Variants in FBXL17 observed in about 807,000 individuals in gnomAD.
FBXL17 encodes F-box and leucine rich repeat protein 17.
In FBXL17, 22 loss-of-function variants were observed where a neutral mutation model predicts 66.2. The observed-to-expected ratio is 0.33, with a 90% CI of 0.24 to 0.47. The LOEUF is 0.47. Ranked by LOEUF, FBXL17 falls within the 20% of genes least tolerant of loss-of-function variation. The probability of loss-of-function intolerance (pLI) is 1.00; values close to 1 mark genes in which losing one functional copy is unlikely to be tolerated. For synonymous variants in FBXL17, 474 were observed against 400.5 expected (o/e 1.18, Z -2.19); for missense variants, 878 against 948.2 (o/e 0.93, Z 0.97).
At chr5:108,161,516 TCAACCA>T (rs1752219244) in intron 6 of FBXL17, among the ~76,000 whole-genome samples, 1 of 151,316 alleles carries the variant, frequency 6.6e-6, no homozygotes, top group African/African-American at 2.4e-5. Flanking sequence ...CCACACAAAC[TCAACCA>T]GTAAGTTGAT....
At chr5:108,149,707 A>T (rs2149994756) in intron 6 of FBXL17, among the ~76,000 whole-genome samples, 1 of 152,308 alleles carries the variant, frequency 6.6e-6, no homozygotes, top group South Asian at 2.1e-4. Context: ...TTATTAAGTT[A>T]ATTATCCATT....
intron 6 of FBXL17, among the ~76,000 whole-genome samples, chr5:108,162,630 GAAT>G (rs1301821648): frequency 6.6e-6 from 1 of 152,190 alleles, no homozygotes; most frequent in Non-Finnish European, 1.5e-5. Flanking sequence ...AGTGATATGT[GAAT>G]AATGTTTCTC....
chr5:108,364,397 A>G (rs1748531573), intron 3 of FBXL17, among the ~76,000 whole-genome samples: 1 of 151,994 alleles, frequency 6.6e-6, no homozygotes, highest in South Asian at 2.1e-4. Flanking sequence ...AGTATAATAA[A>G]AGGGGAATTA....
chr5:108,331,716 G>A (rs1760131939), intron 4 of FBXL17, among the ~76,000 whole-genome samples: 4 of 152,006 alleles, frequency 2.6e-5, no homozygotes, highest in Admixed American at 2.6e-4. Flanking sequence ...TTCCAAACTG[G>A]GAAATGGCTA....
chr5:108,094,732 T>A (rs1749307882), intron 6 of FBXL17, among the ~76,000 whole-genome samples: 1 of 152,124 alleles, frequency 6.6e-6, no homozygotes, highest in African/African-American at 2.4e-5. Context: ...TCTAAAAATG[T>A]TATTGTCTAA....
At chr5:107,891,649 GA>G (rs891206118) in intron 7 of FBXL17, among the ~76,000 whole-genome samples, 2 of 151,284 alleles carry the variant, frequency 1.3e-5, no homozygotes, top group African/African-American at 4.9e-5. Context: ...GATGTAAAAA[GA>G]AAAAAAAATT....
chr5:108,162,028 G>A (rs561876755), intron 6 of FBXL17, among the ~76,000 whole-genome samples: 15 of 152,316 alleles, frequency 9.8e-5, no homozygotes, highest in Non-Finnish European at 2.1e-4. Flanking sequence ...TTATGAAAAC[G>A]TAAAGTGGCA....
intron 4 of FBXL17, among the ~76,000 whole-genome samples, chr5:108,295,115 C>T (rs1408691319): frequency 6.6e-6 from 1 of 151,860 alleles, no homozygotes; most frequent in Non-Finnish European, 1.5e-5. Flanking sequence ...ACTTTTTTAA[C>T]TCTGAAGGAT....
rs187111786 is a variant in FBXL17, at chr5:108,254,732, C to T, written c.1507-30504G>A. ...TCACACAAATATATATTTTCCCCCA[C>T]AAAGGTGAGCTAAATAATCATGGTA... On this transcript the variant is annotated intron_variant, in intron 4 of 8. Coordinates refer to ENST00000542267, the MANE Select transcript of FBXL17 (RefSeq NM_001163315.3). Among the ~76,000 whole-genome samples, 444 of 152,274 alleles carry T rather than the reference C, an allele frequency of 2.9e-3. 1 individual carries two copies. The highest frequency in any genetic ancestry group is 4.5e-3 in the Non-Finnish European group (305 of 68,020).
chr5:107,859,390 G>GCTTTTTT lies in FBXL17; in HGVS notation c.*2329_*2330insAAAAAAG, dbSNP rs1264472450. On this transcript the variant is annotated 3_prime_UTR_variant, in exon 9 of 9. Coordinates refer to ENST00000542267, the MANE Select transcript of FBXL17 (RefSeq NM_001163315.3). ...CTCAAGGTGATGCTTTTTTCTGGCT[G>GCTTTTTT]TTTTTTTTTTTTTTTTTTTTTTTTT... is the stretch of plus-strand genomic sequence containing the variant. 1.7e-5 allele frequency: 1 copy of GCTTTTTT among 60,178 alleles called. No individual in the cohort carries two copies. The highest frequency in any genetic ancestry group is 2.9e-5 in the Non-Finnish European group (1 of 35,002). 3.7% of individuals were successfully genotyped at this position (60,178 alleles called of 1,614,324 possible).
chr5:107,970,483 C>T (rs772277815), intron 7 of FBXL17, among the ~76,000 whole-genome samples: 4 of 152,160 alleles, frequency 2.6e-5, no homozygotes, highest in African/African-American at 7.2e-5. Flanking sequence ...ACTTTAATTT[C>T]GTCTAGTGCG....
intron 6 of FBXL17, among the ~76,000 whole-genome samples, chr5:108,177,089 G>A (rs139835074): frequency 2.6e-5 from 4 of 152,188 alleles, no homozygotes; most frequent in South Asian, 2.1e-4. Flanking sequence ...TTAAGTATTC[G>A]CTACAACCTA....
At position 107,859,390 on chromosome 5, in the gene FBXL17, G is replaced by GTTTTTTTTTTTTTTTTTTTT. The variant is rs549840338; in HGVS notation, c.*2310_*2329dup. The GTTTTTTTTTTTTTTTTTTTT allele has an allele frequency of 5.0e-5, 3 of 60,182 alleles. No homozygotes were observed. Among genetic ancestry groups the GTTTTTTTTTTTTTTTTTTTT allele is most frequent in the East Asian group, 5.8e-4 (1 of 1,716 alleles). 3.7% of individuals were successfully genotyped at this position (60,182 alleles called of 1,614,324 possible). ...CTCAAGGTGATGCTTTTTTCTGGCT[G>GTTTTTTTTTTTTTTTTTTTT]TTTTTTTTTTTTTTTTTTTTTTTTT... On this transcript the variant is annotated 3_prime_UTR_variant, in exon 9 of 9. Coordinates refer to ENST00000542267, the MANE Select transcript of FBXL17 (RefSeq NM_001163315.3).
intron 4 of FBXL17, among the ~76,000 whole-genome samples, chr5:108,245,105 T>C (rs934208670): frequency 4.6e-5 from 7 of 152,146 alleles, no homozygotes; most frequent in Admixed American, 1.3e-4. Flanking sequence ...TTAACTCATA[T>C]AGATATGAAT....
At chr5:108,359,413 T>C (rs1748205181) in intron 3 of FBXL17, among the ~76,000 whole-genome samples, 1 of 152,130 alleles carries the variant, frequency 6.6e-6, no homozygotes, top group South Asian at 2.1e-4. Context: ...AGATCTTCTT[T>C]TTTAATGTAA....
chr5:108,147,600 GA>G (rs1266177577), intron 6 of FBXL17, among the ~76,000 whole-genome samples: 5 of 152,150 alleles, frequency 3.3e-5, no homozygotes, highest in Non-Finnish European at 7.4e-5. Context: ...TATGTAATTG[GA>G]ATTCCAGAAG....
At chr5:108,266,707 T>C (rs1264801195) in intron 4 of FBXL17, among the ~76,000 whole-genome samples, 1 of 152,142 alleles carries the variant, frequency 6.6e-6, no homozygotes, top group East Asian at 1.9e-4. Flanking sequence ...TCTATCTGTG[T>C]AATTGTGAAG....
chr5:108,009,261 T>TTTTATATA (rs1554056569), intron 7 of FBXL17, among the ~76,000 whole-genome samples: 3 of 20,870 alleles, frequency 1.4e-4, no homozygotes. Flanking sequence ...GTTCCCTGTT[T>TTTTATATA]TATATATATA....
At chr5:108,209,904 C>G (rs1209778400) in intron 5 of FBXL17, among the ~76,000 whole-genome samples, 1 of 152,124 alleles carries the variant, frequency 6.6e-6, no homozygotes, top group Non-Finnish European at 1.5e-5. Context: ...CCTCTTTGTA[C>G]TTCTGGTAGA....
Sources: gnomAD v4.1 joint callset for allele counts (sites outside exome capture counted in the v4.1 genomes callset) on GRCh38, gnomAD v4.1.1 for gene constraint, MANE v1.5 for transcripts, NCBI Gene and HGNC (gene_info 2026-07-23, HGNC 2026-07-21) for gene names.